CHN2: variants seen among roughly 807,000 people sequenced by gnomAD.
The protein encoded by CHN2 is beta-chimaerin.
Under a neutral mutation model 56.3 loss-of-function variants are expected in CHN2, and 35 were observed. The ratio of observed to expected loss-of-function variants is 0.62; its 90% CI spans 0.47 to 0.82. The LOEUF is 0.82. Among genes scored for constraint, CHN2 ranks in the 40% least tolerant of loss-of-function variants. The pLI is 0.00. For missense variants in CHN2, 491 were observed against 580.5 expected, an observed-to-expected ratio of 0.85 and a Z score of 1.58; for synonymous variants, 210 against 212.8, an observed-to-expected ratio of 0.99 and a Z score of 0.12.
At chr7:29,176,221 A>G (rs1562809320) in intron 2 of CHN2, among the ~76,000 whole-genome samples, 1 of 151,958 alleles carries the variant, frequency 6.6e-6, no homozygotes, top group Non-Finnish European at 1.5e-5. Context: ...AAAAAAGACC[A>G]TGACTATTTA....
chr7:29,405,260 C>G (rs1802560692), intron 6 of CHN2, among the ~76,000 whole-genome samples: 1 of 148,994 alleles, frequency 6.7e-6, no homozygotes, highest in Non-Finnish European at 1.5e-5. Context: ...TGTTTCTTCT[C>G]AGCTCAACCC....
intron 2 of CHN2, among the ~76,000 whole-genome samples, chr7:29,168,637 C>A (rs1327380397): frequency 6.6e-6 from 1 of 152,200 alleles, no homozygotes; most frequent in East Asian, 1.9e-4. Flanking sequence ...AATCCCCCAA[C>A]CTGTATAGGC....
At position 29,390,314 on chromosome 7, in the gene CHN2, CT is replaced by C. The variant is rs1801264706; in HGVS notation, c.145-3363del. Reference sequence around the variant, plus strand: ...TAAAAAGAATGAGCTGCTTTCACTTCTTGGAGTCAGAGCACTAAATCCCAAG... The same window carrying C: ...TAAAAAGAATGAGCTGCTTTCACTTCTGGAGTCAGAGCACTAAATCCCAAG... On this transcript the variant is annotated intron_variant, in intron 3 of 12. Coordinates refer to ENST00000222792, the MANE Select transcript of CHN2 (RefSeq NM_004067.4). Among the ~76,000 whole-genome samples the C allele has an allele frequency of 2.0e-5, 3 of 152,178 alleles. No homozygotes were observed. The South Asian group carries it at 6.2e-4, about 32-fold the overall frequency.
At chr7:29,266,078 C>G (rs1368673654) in intron 1 of CHN2, among the ~76,000 whole-genome samples, 1 of 152,202 alleles carries the variant, frequency 6.6e-6, no homozygotes, top group African/African-American at 2.4e-5. Context: ...GTGAGACATC[C>G]TGCCCGAATG....
At chr7:29,482,476 A>C (rs1179195308) in intron 7 of CHN2, among the ~76,000 whole-genome samples, 1 of 152,188 alleles carries the variant, frequency 6.6e-6, no homozygotes, top group Non-Finnish European at 1.5e-5. Flanking sequence ...AAGAACATTC[A>C]AAAAGCAGGC....
chr7:29,307,245 G>A (rs532911102), intron 1 of CHN2, among the ~76,000 whole-genome samples: 15 of 152,138 alleles, frequency 9.9e-5, no homozygotes, highest in Admixed American at 2.0e-4. Flanking sequence ...TAATAAAAAA[G>A]CTAATGGAAT....
At chr7:29,450,583 C>T (rs1784337358) in intron 6 of CHN2, among the ~76,000 whole-genome samples, 2 of 152,148 alleles carry the variant, frequency 1.3e-5, no homozygotes, top group Admixed American at 6.5e-5. Flanking sequence ...CAGATTCTCT[C>T]CTAGCTCCAG....
At chr7:29,267,200 C>T (rs1417599918) in intron 1 of CHN2, among the ~76,000 whole-genome samples, 2 of 151,968 alleles carry the variant, frequency 1.3e-5, no homozygotes, top group African/African-American at 4.8e-5. Flanking sequence ...TGGGACAACT[C>T]AGCGCCCTCT....
chr7:29,406,833 C>T (rs149225282), intron 6 of CHN2, among the ~76,000 whole-genome samples: 279 of 152,230 alleles, frequency 1.8e-3, no homozygotes, highest in African/African-American at 6.3e-3. Flanking sequence ...TGTCTCTTTC[C>T]CCAGAGGTGG....
At chr7:29,310,574 A>G (rs917679363) in intron 1 of CHN2, among the ~76,000 whole-genome samples, 3 of 152,230 alleles carry the variant, frequency 2.0e-5, no homozygotes, top group African/African-American at 7.2e-5. Flanking sequence ...AAATTCTAAA[A>G]TGGTATTTTA....
At position 29,512,904 on chromosome 7, in the gene CHN2, C is replaced by G. The variant is rs1353077448; in HGVS notation, c.*169C>G. On this transcript the variant is annotated 3_prime_UTR_variant, in exon 13 of 13. Transcript: ENST00000222792. ...TGTGTCTCATAGACATGCGCCACCTCCACGTGAGAACAAGGGTGAAGGTGA... is the reference window on the plus strand; with the variant it reads ...TGTGTCTCATAGACATGCGCCACCTGCACGTGAGAACAAGGGTGAAGGTGA... The G allele has an allele frequency of 3.1e-6, 2 of 641,200 alleles. No individual in the cohort carries two copies. The highest frequency in any genetic ancestry group is 5.1e-6 in the Non-Finnish European group (2 of 389,796). 39.7% of individuals were successfully genotyped at this position (641,200 alleles called of 1,614,324 possible).
chr7:29,249,880 C>A (rs1183414689), intron 1 of CHN2, among the ~76,000 whole-genome samples: 1 of 152,174 alleles, frequency 6.6e-6, no homozygotes, highest in Non-Finnish European at 1.5e-5. Flanking sequence ...CAATTCCATT[C>A]TTTAAAAATT....
chr7:29,314,653 C>A (rs1329503271), intron 1 of CHN2, among the ~76,000 whole-genome samples: 1 of 152,112 alleles, frequency 6.6e-6, no homozygotes, highest in Non-Finnish European at 1.5e-5. Context: ...ACTGAAAATT[C>A]CAAGAAGTGA....
chr7:29,189,994 C>T (rs1490686255), upstream of CHN2, among the ~76,000 whole-genome samples: 1 of 152,216 alleles, frequency 6.6e-6, no homozygotes, highest in Non-Finnish European at 1.5e-5. Flanking sequence ...TGTTCAGAGG[C>T]AGGGCCGCTA....
chr7:29,495,029 T>G (rs1037231026), intron 7 of CHN2, among the ~76,000 whole-genome samples: 8 of 150,824 alleles, frequency 5.3e-5, no homozygotes, highest in African/African-American at 1.9e-4. Context: ...TTGAAAGGCC[T>G]TCTATAATGC....
intron 2 of CHN2, among the ~76,000 whole-genome samples, chr7:29,147,703 A>G (rs949048332): frequency 2.0e-5 from 3 of 152,184 alleles, no homozygotes; most frequent in Non-Finnish European, 4.4e-5. Context: ...TGTTTGTGGG[A>G]AAATAATTCT....
Position 29,512,888 on chromosome 7 carries a change from T to TA in CHN2, c.*154dup, listed in dbSNP as rs1334132573. On this transcript the variant is annotated 3_prime_UTR_variant, in exon 13 of 13. Transcript: ENST00000222792. ...TCGCTGAGTGGGGTACTGTGTCTCA[T>TA]AGACATGCGCCACCTCCACGTGAGA... 2.8e-5 allele frequency: 21 copies of TA among 760,298 alleles called. 1 individual carries two copies. The African/African-American group carries it at 2.8e-4, about 10-fold the overall frequency. 47.1% of individuals were successfully genotyped at this position (760,298 alleles called of 1,614,324 possible).
intron 6 of CHN2, among the ~76,000 whole-genome samples, chr7:29,462,410 G>T (rs1351568438): frequency 6.6e-6 from 1 of 152,196 alleles, no homozygotes; most frequent in African/African-American, 2.4e-5. Context: ...CAGCAGGGAT[G>T]GCTTGCTTCT....
In CHN2 at chr7:29,293,857, A is replaced by ATTT. The variant is rs70980522; in HGVS notation, c.50-60743_50-60741dup. ...GCATATAAGCTCCACGAGGCTGGGAATTTTTTTTTTTTTTTTTTTTTTTTT... is the reference window on the plus strand; with the variant it reads ...GCATATAAGCTCCACGAGGCTGGGAATTTTTTTTTTTTTTTTTTTTTTTTTTTT... On this transcript the variant is annotated intron_variant, in intron 1 of 12. Coordinates refer to ENST00000222792, the MANE Select transcript of CHN2 (RefSeq NM_004067.4). Among the ~76,000 whole-genome samples the ATTT allele has an allele frequency of 9.6e-3, 756 of 78,520 alleles. 135 individuals carry two copies. Among genetic ancestry groups the ATTT allele is most frequent in the African/African-American group, 0.032 (640 of 19,898 alleles). The allele number at this position is 78,520 out of a possible 152,430, so 51.5% of individuals were successfully genotyped here. A position where few individuals can be genotyped will look rare whatever the true frequency, so the allele number is the denominator to read the frequency against.
Sources: gnomAD v4.1 joint callset for allele counts (sites outside exome capture counted in the v4.1 genomes callset) on GRCh38, gnomAD v4.1.1 for gene constraint, MANE v1.5 for transcripts, NCBI Gene and HGNC (gene_info 2026-07-23, HGNC 2026-07-21) for gene names.